Variants in FRMD3 observed in about 807,000 individuals in gnomAD.
FRMD3 encodes FERM domain containing 3.
Under a neutral mutation model 70.2 loss-of-function variants are expected in FRMD3, and 33 were observed. The ratio of observed to expected loss-of-function variants is 0.47; its 90% CI spans 0.36 to 0.63. FRMD3 has a LOEUF of 0.63. Among genes scored for constraint, FRMD3 ranks in the 20% least tolerant of loss-of-function variants. The pLI is 0.00. For missense variants in FRMD3, 632 were observed against 711.4 expected, an observed-to-expected ratio of 0.89 and a Z score of 1.27; for synonymous variants, 279 against 255.9, an observed-to-expected ratio of 1.09 and a Z score of -0.86.
In FRMD3 at chr9:83,410,225, T is replaced by C. The variant is rs1298287694; in HGVS notation, c.148-20517A>G. Among the ~76,000 whole-genome samples the C allele has an allele frequency of 2.6e-5, 4 of 152,212 alleles. No homozygotes were observed. In the East Asian group the frequency reaches 7.7e-4, roughly 29 times the overall value. ...CGGGAATACCGCATGATGCTGAGGTTTGGGGTATGACTGATCCCATCACCC... is the reference window on the plus strand; with the variant it reads ...CGGGAATACCGCATGATGCTGAGGTCTGGGGTATGACTGATCCCATCACCC... On this transcript the variant is annotated intron_variant, in intron 1 of 13. Transcript: ENST00000304195.
chr9:83,366,105 C>T (rs559453353), intron 3 of FRMD3, among the ~76,000 whole-genome samples: 16 of 151,982 alleles, frequency 1.1e-4, no homozygotes, highest in African/African-American at 3.4e-4. Context: ...CCCTCACTAC[C>T]GAGACAGTAC....
intron 12 of FRMD3, 30 bp from the exon 13 acceptor site, chr9:83,290,757 G>T: frequency 6.4e-7 from 1 of 1,570,298 alleles, no homozygotes; most frequent in South Asian, 1.2e-5. Context: ...AGACAGAGTT[G>T]GTTTCCATCA....
chr9:83,254,645 A>G (rs898952216), intron 13 of FRMD3, among the ~76,000 whole-genome samples: 1 of 152,296 alleles, frequency 6.6e-6, no homozygotes, highest in Admixed American at 6.5e-5. Context: ...AGACTAATAA[A>G]GAAAAAATAG....
chr9:83,524,623 T>C (rs1022850082), intron 1 of FRMD3, among the ~76,000 whole-genome samples: 1 of 152,194 alleles, frequency 6.6e-6, no homozygotes, highest in African/African-American at 2.4e-5. Context: ...AATGGTGGTA[T>C]TTAGTGTAAT....
rs528933466 is a variant in FRMD3 at position 83,526,041 on chromosome 9, C to T, written c.147+12044G>A. Among the ~76,000 whole-genome samples, 12 of 152,308 alleles carry T rather than the reference C, an allele frequency of 7.9e-5. No homozygotes were observed. The East Asian group carries it at 2.3e-3, about 29-fold the overall frequency. On this transcript the variant is annotated intron_variant, in intron 1 of 13. Coordinates refer to ENST00000304195, the MANE Select transcript of FRMD3 (RefSeq NM_174938.6). The stretch of plus-strand genomic sequence containing the variant: ...GGTAACTTTCATTCCTTATATCCAA[C>T]TGTCTATTGAGAATTCTCCACTCAG...
chr9:83,262,462 G>A (rs1238108918), intron 13 of FRMD3, among the ~76,000 whole-genome samples: 6 of 152,162 alleles, frequency 3.9e-5, no homozygotes, highest in Non-Finnish European at 8.8e-5. Flanking sequence ...GATAGCAATG[G>A]CTTCCTAACT....
At chr9:83,269,048 TA>T (rs1436596835) in intron 13 of FRMD3, among the ~76,000 whole-genome samples, 1 of 152,224 alleles carries the variant, frequency 6.6e-6, no homozygotes, top group African/African-American at 2.4e-5. Flanking sequence ...GAAGAACTAC[TA>T]AAAATCTTTA....
chr9:83,353,990 TC>T (rs1393717874), intron 3 of FRMD3, among the ~76,000 whole-genome samples: 1 of 152,092 alleles, frequency 6.6e-6, no homozygotes, highest in African/African-American at 2.4e-5. Flanking sequence ...AATGGCGTGA[TC>T]TCAGCTCACT....
In FRMD3 at chr9:83,427,692, A is replaced by G. The variant is rs371783280; in HGVS notation, c.148-37984T>C. Among the ~76,000 whole-genome samples, 28 of 151,272 alleles carry G rather than the reference A, an allele frequency of 1.9e-4. No homozygotes were observed. The South Asian group carries it at 5.9e-3, about 32-fold the overall frequency. On this transcript the variant is annotated intron_variant, in intron 1 of 13. Transcript: ENST00000304195. Reference sequence around the variant, plus strand: ...ATATATGAATATATGTATATATCTAACTCAGTGTCTTTATACCTTTTAAAA... The same window carrying G: ...ATATATGAATATATGTATATATCTAGCTCAGTGTCTTTATACCTTTTAAAA...
intron 5 of FRMD3, among the ~76,000 whole-genome samples, chr9:83,342,853 G>C (rs912731917): frequency 6.6e-6 from 1 of 152,132 alleles, no homozygotes; most frequent in African/African-American, 2.4e-5. Context: ...TTGGAACTGA[G>C]AACATACAAT....
chr9:83,247,384 C>CT lies in FRMD3; in HGVS notation c.*533dup, dbSNP rs10646229. The CT allele has an allele frequency of 0.3, 249,144 of 844,454 alleles. 7,473 individuals are homozygous for CT. Among genetic ancestry groups the CT allele is most frequent in the African/African-American group, 0.36 (19,704 of 54,372 alleles). The allele number at this position is 844,454 out of a possible 1,614,324, so 52.3% of individuals were successfully genotyped here. A position where few individuals can be genotyped will look rare whatever the true frequency, so the allele number is the denominator to read the frequency against. On this transcript the variant is annotated 3_prime_UTR_variant, in exon 14 of 14. Coordinates refer to ENST00000304195, the MANE Select transcript of FRMD3 (RefSeq NM_174938.6). ...ACATGTAAATAACTCCAGGAGGCTT[C>CT]TTTTTTTTTTTTGCTAAAAATTTAC...
intron 1 of FRMD3, among the ~76,000 whole-genome samples, chr9:83,501,753 T>G (rs1401465792): frequency 6.6e-6 from 1 of 152,192 alleles, no homozygotes; most frequent in Non-Finnish European, 1.5e-5. Context: ...TGTTTGTTCT[T>G]GAGAGGAATT....
At chr9:83,377,848 A>C (rs1162063798) in intron 2 of FRMD3, among the ~76,000 whole-genome samples, 2 of 152,082 alleles carry the variant, frequency 1.3e-5, no homozygotes, top group Non-Finnish European at 2.9e-5. Context: ...ACATTACACA[A>C]ATAATTAAAA....
intron 1 of FRMD3, among the ~76,000 whole-genome samples, chr9:83,414,332 C>T (rs888835955): frequency 8.6e-5 from 13 of 151,962 alleles, no homozygotes; most frequent in Non-Finnish European, 1.9e-4. Flanking sequence ...TTAAAAAAAT[C>T]AATCCAAGAT....
rs547808547 is a variant in FRMD3, at chr9:83,528,129, T to A, written c.147+9956A>T. ...TTTAAACACTTCATGTTTAGCTGTA[T>A]ATTTTCCATGATCAAAAGAAGGGTC... On this transcript the variant is annotated intron_variant, in intron 1 of 13. Coordinates refer to ENST00000304195, the MANE Select transcript of FRMD3 (RefSeq NM_174938.6). Among the ~76,000 whole-genome samples, 9 of 152,348 alleles carry A rather than the reference T, an allele frequency of 5.9e-5. No homozygotes were observed. In the East Asian group the frequency reaches 1.7e-3, roughly 29 times the overall value.
At chr9:83,556,597 T>C in the FRMD3 span, among the ~76,000 whole-genome samples, 2 of 152,234 alleles carry the variant, frequency 1.3e-5, no homozygotes, top group Non-Finnish European at 1.5e-5. Flanking sequence ...AAATGACTGA[T>C]TTTTTATGAA....
chr9:83,299,626 C>G (rs1010852854), intron 10 of FRMD3, among the ~76,000 whole-genome samples: 3 of 152,194 alleles, frequency 2.0e-5, no homozygotes, highest in African/African-American at 7.2e-5. Context: ...AGGCAGAAAA[C>G]AGCTTCCTGG....
intron 2 of FRMD3, among the ~76,000 whole-genome samples, chr9:83,378,286 A>G (rs1825215583): frequency 7.1e-6 from 1 of 140,012 alleles, no homozygotes. Context: ...TTTGAGACAG[A>G]GTCTTGCTCT....
intron 1 of FRMD3, among the ~76,000 whole-genome samples, chr9:83,531,150 A>G (rs1829784164): frequency 6.6e-6 from 1 of 152,224 alleles, no homozygotes; most frequent in Non-Finnish European, 1.5e-5. Flanking sequence ...CTGAGGATAG[A>G]GCCATCCCAA....
Sources: gnomAD v4.1 joint callset for allele counts (sites outside exome capture counted in the v4.1 genomes callset) on GRCh38, gnomAD v4.1.1 for gene constraint, MANE v1.5 for transcripts, NCBI Gene and HGNC (gene_info 2026-07-23, HGNC 2026-07-21) for gene names.